CFAP57: variants seen among roughly 807,000 people sequenced by gnomAD.
The protein encoded by CFAP57 is cilia and flagella associated protein 57.
Under a neutral mutation model 146.8 loss-of-function variants are expected in CFAP57, and 116 were observed. That is an observed-to-expected ratio of 0.79 (90% CI 0.68 to 0.92). The LOEUF (loss-of-function observed/expected upper bound fraction) is 0.92, where lower values mean the gene tolerates loss of function less well. Among genes scored for constraint, CFAP57 ranks in the 40% least tolerant of loss-of-function variants. The probability of loss-of-function intolerance (pLI) is 0.00; values close to 1 mark genes in which losing one functional copy is unlikely to be tolerated. For missense variants in CFAP57, 1,377 were observed against 1,527.2 expected (o/e 0.90, Z 1.64); for synonymous variants, 518 against 552.8 (o/e 0.94, Z 0.88).
At position 43,238,411 on chromosome 1, in the gene CFAP57, T is replaced by A. The variant is rs935094438; in HGVS notation, c.3405+3773T>A. 3.3e-5 allele frequency among the ~76,000 whole-genome samples: 5 copies of A among 152,152 alleles called. No individual in the cohort carries two copies. The highest frequency in any genetic ancestry group is 1.2e-4 in the African/African-American group (5 of 41,420). On this transcript the variant is annotated intron_variant, in intron 21 of 22. Coordinates refer to ENST00000372492, the MANE Select transcript of CFAP57 (RefSeq NM_001378189.1). The surrounding 1 kb of genome is among the most constrained non-coding windows in gnomAD (Gnocchi z 4.3). Reference sequence around the variant, plus strand: ...GGCAGAGCCCCTTTGCTTAGAAAGCTTTTTACATAAACAGTTTCACATCCC... The same window carrying A: ...GGCAGAGCCCCTTTGCTTAGAAAGCATTTTACATAAACAGTTTCACATCCC...
intron 6 of CFAP57, among the ~76,000 whole-genome samples, chr1:43,191,453 G>C (rs1643516621): frequency 2.0e-5 from 3 of 151,988 alleles, no homozygotes; most frequent in Non-Finnish European, 4.4e-5. Flanking sequence ...CAGGCATGGT[G>C]GTGGGCGCCT....
Position 43,234,626 on chromosome 1 carries a change from C to T in CFAP57, c.3393C>T (p.Val1131=). The T allele has an allele frequency of 1.3e-6, 2 of 1,549,672 alleles. No individual in the cohort carries two copies. Among genetic ancestry groups the T allele is most frequent in the Admixed American group, 3.9e-5 (2 of 50,950 alleles). The change falls in exon 21 of 23, where the codon GTC becomes GTT. Residue 1131 remains valine, a synonymous_variant. Transcript: ENST00000372492. ...GCGAGCTGCACCGCACAGACTACGT[C>T]CGCATCATGCAGGTACCTGCATGCT... The part of the protein sequence containing the change: ...KEGELHRTDY[V]RIMQENVSLI...
intron 2 of CFAP57, among the ~76,000 whole-genome samples, chr1:43,179,414 T>G (rs1364053632): frequency 6.6e-6 from 1 of 152,174 alleles, no homozygotes; most frequent in Non-Finnish European, 1.5e-5. Flanking sequence ...ATCAAGAACA[T>G]ACTAAGTTCC....
At chr1:43,211,239 A>G (rs947986367) in intron 11 of CFAP57, among the ~76,000 whole-genome samples, 2 of 152,148 alleles carry the variant, frequency 1.3e-5, no homozygotes, top group African/African-American at 4.8e-5. Flanking sequence ...TGGATAACAT[A>G]TTTATTTTTC....
chr1:43,187,588 A>G (rs1643223205), intron 6 of CFAP57, among the ~76,000 whole-genome samples: 1 of 151,910 alleles, frequency 6.6e-6, no homozygotes, highest in South Asian at 2.1e-4. Context: ...CAGCCTTAGG[A>G]CATTTTTATC....
intron 2 of CFAP57, among the ~76,000 whole-genome samples, chr1:43,173,482 A>G (rs370184599): frequency 6.6e-6 from 1 of 152,178 alleles, no homozygotes; most frequent in African/African-American, 2.4e-5. Flanking sequence ...CATATATGTC[A>G]TATTTAAAGA....
chr1:43,190,356 C>T (rs535557672), intron 6 of CFAP57, among the ~76,000 whole-genome samples: 20 of 150,492 alleles, frequency 1.3e-4, no homozygotes, highest in Middle Eastern at 3.4e-3. Flanking sequence ...CTGCAAGCTC[C>T]ACCTACCGGG....
chr1:43,197,526 G>T, intron 6 of CFAP57, 27 bp from the exon 7 acceptor site: 1 of 1,614,082 alleles, frequency 6.2e-7, no homozygotes, highest in African/African-American at 1.3e-5. Flanking sequence ...TTACTCTGCG[G>T]GATCTTGTTC....
Position 43,204,786 on chromosome 1 carries a change from A to G in CFAP57, c.1543-1934A>G, listed in dbSNP as rs1367779613. Among the ~76,000 whole-genome samples, 4 of 152,286 alleles carry G rather than the reference A, an allele frequency of 2.6e-5. No homozygotes were observed. The East Asian group carries it at 7.7e-4, about 29-fold the overall frequency. On this transcript the variant is annotated intron_variant, in intron 9 of 22. Coordinates refer to ENST00000372492, the MANE Select transcript of CFAP57 (RefSeq NM_001378189.1). ...TTCAGAGAGTGATGGCTTTTGCATC[A>G]TGTTCAGCCAGAGACTGGTAGTTTG...
At chr1:43,181,926 C>T (rs1645427566) in intron 3 of CFAP57, 76 bp downstream of exon 3, 1 of 1,508,976 alleles carries the variant, frequency 6.6e-7, no homozygotes, top group Non-Finnish European at 9.2e-7. Flanking sequence ...TTCTGTGTAC[C>T]ACAGTTCTAA....
At chr1:43,182,915 T>C (rs935267427) in intron 3 of CFAP57, among the ~76,000 whole-genome samples, 2 of 152,212 alleles carry the variant, frequency 1.3e-5, no homozygotes, top group Non-Finnish European at 2.9e-5. Context: ...AAAATATTCG[T>C]CTTTACAATG....
At chr1:43,194,710 C>T (rs1643750710) in intron 6 of CFAP57, 3 of 152,142 alleles carry the variant, frequency 2.0e-5, no homozygotes, top group Non-Finnish European at 2.9e-5. Flanking sequence ...TCTGCCAGTT[C>T]AGATCTATTC....
At chr1:43,236,028 A>G (rs977925157) in intron 21 of CFAP57, among the ~76,000 whole-genome samples, 3 of 151,802 alleles carry the variant, frequency 2.0e-5, no homozygotes, top group Non-Finnish European at 2.9e-5. Context: ...CTGCTTCCCT[A>G]TGCCCCGGAG....
rs186006539 is a variant in CFAP57, at chr1:43,203,361, A to G, written c.1543-3359A>G. 4.3e-3 allele frequency among the ~76,000 whole-genome samples: 656 copies of G among 152,290 alleles called. 3 individuals carry two copies. Among genetic ancestry groups the G allele is most frequent in the African/African-American group, 0.015 (615 of 41,566 alleles). On this transcript the variant is annotated intron_variant, in intron 9 of 22. Coordinates refer to ENST00000372492, the MANE Select transcript of CFAP57 (RefSeq NM_001378189.1). ...GAAAAAGAAGGAATACTTTCCAGTT[A>G]TGTTCTATGAGGCCAAAATAATTGT...
chr1:43,192,703 T>TCATC (rs1643615661), intron 6 of CFAP57, among the ~76,000 whole-genome samples: 1 of 151,680 alleles, frequency 6.6e-6, no homozygotes, highest in Non-Finnish European at 1.5e-5. Flanking sequence ...GGTGGGTGGA[T>TCATC]CATCTAAGGT....
chr1:43,211,064 G>A (rs536220633), intron 11 of CFAP57, among the ~76,000 whole-genome samples: 148 of 151,932 alleles, frequency 9.7e-4, no homozygotes, highest in Admixed American at 3.5e-3. Flanking sequence ...CTGAGGTTTT[G>A]AGTTATATCC....
At chr1:43,185,476 T>C in intron 5 of CFAP57, 120 bp downstream of exon 5, 5 of 857,718 alleles carry the variant, frequency 5.8e-6, no homozygotes, top group Non-Finnish European at 9.5e-6. Context: ...TGAGCAGAAA[T>C]GGTGAAATGG....
chr1:43,186,700 TG>T lies in CFAP57; in HGVS notation c.970-4del, dbSNP rs754222395. 1.2e-6 allele frequency: 2 copies of T among 1,613,608 alleles called. No individual in the cohort carries two copies. ...CATTACTGATAGCTGTTTTGCATTT[TG>T]GGCAGATTCCTGTGGACCCGCAGAG... On this transcript the variant is annotated splice_polypyrimidine_tract_variant and splice_region_variant and intron_variant, in intron 5 of 22. Transcript: ENST00000372492.
At position 43,214,166 on chromosome 1, in the gene CFAP57, G is replaced by A. The variant is rs1393419379; in HGVS notation, c.1930-1089G>A. Among the ~76,000 whole-genome samples, 3 of 152,090 alleles carry A rather than the reference G, an allele frequency of 2.0e-5. No homozygotes were observed. In the East Asian group the frequency reaches 5.8e-4, roughly 29 times the overall value. The stretch of plus-strand genomic sequence containing the variant: ...CTCCCAATGTGCTGGGATTACAGGT[G>A]TAAGCCACCACGCCCGCCCCTTAGC... On this transcript the variant is annotated intron_variant, in intron 11 of 22. Coordinates refer to ENST00000372492, the MANE Select transcript of CFAP57 (RefSeq NM_001378189.1).
Sources: allele counts gnomAD v4.1 joint callset (sites outside exome capture counted in the v4.1 genomes callset), GRCh38; gene constraint gnomAD v4.1.1; non-coding constraint Gnocchi (gnomAD v3.1); transcripts MANE v1.5; gene names NCBI Gene and HGNC (gene_info 2026-07-23, HGNC 2026-07-21).